Variants in SWAP70 observed in about 807,000 individuals in gnomAD.
SWAP70 encodes the protein switching B cell complex subunit SWAP70.
SWAP70 carries 34 observed loss-of-function variants against 80.2 expected under a neutral mutation model. That is an observed-to-expected ratio of 0.42 (90% confidence interval 0.32 to 0.56). SWAP70 has a LOEUF of 0.56. Among genes scored for constraint, SWAP70 ranks in the 20% least tolerant of loss-of-function variants. The pLI is 0.09. For synonymous variants in SWAP70, 239 were observed against 238.5 expected, an observed-to-expected ratio of 1.00 and a Z score of -0.02; for missense variants, 578 against 690.7, an observed-to-expected ratio of 0.84 and a Z score of 1.83.
intron 3 of SWAP70, among the ~76,000 whole-genome samples, chr11:9,716,788 A>T (rs1345880835): frequency 2.0e-5 from 3 of 152,148 alleles, no homozygotes; most frequent in African/African-American, 7.2e-5. Context: ...CCAGGGCTGG[A>T]GACAGAGGTG....
intron 1 of SWAP70, among the ~76,000 whole-genome samples, chr11:9,691,750 C>G (rs559954788): frequency 6.6e-6 from 1 of 152,314 alleles, no homozygotes; most frequent in African/African-American, 2.4e-5. Context: ...AGTCTGTAGT[C>G]ACCATTTATA....
chr11:9,735,649 T>C (rs746527440), intron 7 of SWAP70, among the ~76,000 whole-genome samples: 1 of 152,212 alleles, frequency 6.6e-6, no homozygotes, highest in Non-Finnish European at 1.5e-5. Flanking sequence ...GGTTTGGCAA[T>C]GCGGTGCTCC....
At chr11:9,698,685 G>C (rs1302365435) in intron 2 of SWAP70, among the ~76,000 whole-genome samples, 1 of 152,232 alleles carries the variant, frequency 6.6e-6, no homozygotes, top group East Asian at 1.9e-4. Context: ...GATTATAGGT[G>C]TGAGCCATTG....
At chr11:9,682,347 T>C (rs1405116078) in intron 1 of SWAP70, among the ~76,000 whole-genome samples, 2 of 152,198 alleles carry the variant, frequency 1.3e-5, no homozygotes, top group African/African-American at 4.8e-5. Flanking sequence ...AGACCATAGT[T>C]TTGTTAAGGC....
chr11:9,671,115 A>G (rs1052337463), intron 1 of SWAP70, among the ~76,000 whole-genome samples: 11 of 136,210 alleles, frequency 8.1e-5, no homozygotes, highest in Non-Finnish European at 1.7e-4. Flanking sequence ...AAATATAAAA[A>G]TATATATAAA....
chr11:9,673,342 C>G (rs1244236637), intron 1 of SWAP70, among the ~76,000 whole-genome samples: 1 of 152,154 alleles, frequency 6.6e-6, no homozygotes, highest in Non-Finnish European at 1.5e-5. Flanking sequence ...TACAAATAGA[C>G]AGATGAAGAG....
intron 4 of SWAP70, among the ~76,000 whole-genome samples, chr11:9,725,567 A>ATTTTTTTTTT (rs1158096816): frequency 5.8e-5 from 1 of 17,316 alleles, no homozygotes; most frequent in African/African-American, 2.5e-4. Flanking sequence ...ATATATATAT[A>ATTTTTTTTTT]TATTTTTTTT....
At chr11:9,707,635 A>G (rs1850934429) in intron 2 of SWAP70, among the ~76,000 whole-genome samples, 1 of 140,468 alleles carries the variant, frequency 7.1e-6, no homozygotes. Flanking sequence ...GGCTCACTGT[A>G]GCCTCCACCT....
At position 9,713,643 on chromosome 11, in the gene SWAP70, A is replaced by G; in HGVS notation, c.414+4A>G. On this transcript the variant is annotated splice_donor_region_variant and intron_variant, in intron 3 of 11. Coordinates refer to ENST00000318950, the MANE Select transcript of SWAP70 (RefSeq NM_015055.4). ...ATTAATTATTGTGTCAGAAGAGGTA[A>G]GGTGTGGCTTGGGGAGTTTTTACTT... 6.2e-7 allele frequency: 1 copy of G among 1,610,062 alleles called. No homozygotes were observed. The highest frequency in any genetic ancestry group is 1.1e-5 in the South Asian group (1 of 90,628).
intron 3 of SWAP70, chr11:9,720,477 G>C: frequency 1.0e-6 from 1 of 985,474 alleles, no homozygotes; most frequent in Non-Finnish European, 1.2e-6. Context: ...CGTGGGTTCA[G>C]TAAGAGGTAG....
chr11:9,714,132 C>T (rs1168198020), intron 3 of SWAP70, among the ~76,000 whole-genome samples: 1 of 151,772 alleles, frequency 6.6e-6, no homozygotes, highest in Admixed American at 6.6e-5. Context: ...CCCTAAACTT[C>T]CAAAGGAAAA....
intron 2 of SWAP70, among the ~76,000 whole-genome samples, chr11:9,695,448 G>A (rs962158428): frequency 6.6e-6 from 1 of 152,074 alleles, no homozygotes; most frequent in African/African-American, 2.4e-5. Flanking sequence ...CCCTAAAAAA[G>A]AGTGAGATCA....
chr11:9,720,599 A>T, intron 3 of SWAP70: 1 of 527,238 alleles, frequency 1.9e-6, no homozygotes, highest in Middle Eastern at 9.7e-4. Context: ...GGCTATACAC[A>T]TGTGCTTCCT....
rs979206316 is a variant in SWAP70 at position 9,751,489 on chromosome 11, G to A, written c.*1519G>A. 6.6e-6 allele frequency: 1 copy of A among 152,190 alleles called. No homozygotes were observed. The highest frequency in any genetic ancestry group is 2.4e-5 in the African/African-American group (1 of 41,438). 9.4% of individuals were successfully genotyped at this position (152,190 alleles called of 1,614,324 possible). A position where few individuals can be genotyped will look rare whatever the true frequency, so the allele number is the denominator to read the frequency against. On this transcript the variant is annotated 3_prime_UTR_variant, in exon 12 of 12. Transcript: ENST00000318950. ...GCTTAAAATTGTAAATAAATATGGG[G>A]ATAATTCAGTTGTTGCAAAAAAAGG...
chr11:9,708,126 G>A (rs916503642), intron 2 of SWAP70, among the ~76,000 whole-genome samples: 1 of 152,082 alleles, frequency 6.6e-6, no homozygotes, highest in East Asian at 1.9e-4. Context: ...TCTCATTAAG[G>A]TCCTGTTTGC....
At chr11:9,701,979 G>A (rs1015574334) in intron 2 of SWAP70, among the ~76,000 whole-genome samples, 8 of 152,162 alleles carry the variant, frequency 5.3e-5, no homozygotes, top group African/African-American at 1.9e-4. Context: ...AGTATGCCAA[G>A]TTCCAATTGG....
chr11:9,707,541 ATTTTCT>A (rs920998658), intron 2 of SWAP70, among the ~76,000 whole-genome samples: 2 of 138,170 alleles, frequency 1.4e-5, no homozygotes, highest in African/African-American at 5.5e-5. Context: ...TATATAACAC[ATTTTCT>A]TTTTCTTTTC....
At chr11:9,706,890 G>A (rs569364364) in intron 2 of SWAP70, among the ~76,000 whole-genome samples, 21 of 151,702 alleles carry the variant, frequency 1.4e-4, no homozygotes, top group Non-Finnish European at 2.9e-4. Context: ...ATACTTTGCA[G>A]CATTTTTTTC....
At chr11:9,683,618 G>A (rs749828391) in intron 1 of SWAP70, among the ~76,000 whole-genome samples, 2 of 152,092 alleles carry the variant, frequency 1.3e-5, no homozygotes, top group African/African-American at 4.8e-5. Context: ...TTACCTGTGG[G>A]GTGGGAGAGA....
Sources: allele counts gnomAD v4.1 joint callset (sites outside exome capture counted in the v4.1 genomes callset), GRCh38; gene constraint gnomAD v4.1.1; transcripts MANE v1.5; gene names NCBI Gene and HGNC (gene_info 2026-07-23, HGNC 2026-07-21).